Variants in FRZB observed in about 807,000 individuals in gnomAD.
The protein encoded by FRZB is secreted frizzled-related protein 3.
In FRZB, 34 loss-of-function variants were observed where a neutral mutation model predicts 32.5. The observed-to-expected ratio is 1.05, with a 90% CI of 0.80 to 1.39. The LOEUF (loss-of-function observed/expected upper bound fraction) is 1.39. FRZB is among the 40% of genes most tolerant of loss of function. The pLI, the probability that FRZB is intolerant of heterozygous loss-of-function variation, is 0.00. For synonymous variants in FRZB, 170 were observed against 159.2 expected (o/e 1.07, Z -0.51); for missense variants, 423 against 424.8 (o/e 1.00, Z 0.04).
chr2:182,857,358 C>T (rs941366383), intron 2 of FRZB, among the ~76,000 whole-genome samples: 3 of 152,114 alleles, frequency 2.0e-5, no homozygotes, highest in African/African-American at 7.2e-5. Context: ...TGGTGGCTCA[C>T]GTGTGTAATC....
intron 3 of FRZB, among the ~76,000 whole-genome samples, chr2:182,840,468 A>T (rs372068551): frequency 6.6e-5 from 10 of 152,116 alleles, no homozygotes; most frequent in African/African-American, 2.4e-4. Context: ...TTTTTCACTC[A>T]AGTAATTTGG....
At position 182,866,309 on chromosome 2, in the gene FRZB, G is replaced by C; in HGVS notation, c.244C>G (p.Pro82Ala). The C allele has an allele frequency of 6.2e-7, 1 of 1,614,238 alleles. No individual in the cohort carries two copies. The highest frequency in any genetic ancestry group is 8.5e-7 in the Non-Finnish European group (1 of 1,180,046). ...FEGLLGTHCS[P>A]DLLFFLCAMY... ...GCACAGAGGAAGAAGAGCAGATCGG[G>C]GCTGCAGTGGGTGCCCAGCAGACCT... Residue 82 changes from proline (P) to alanine (A), a missense_variant, in exon 1 of 6, where the codon CCC becomes GCC. By Grantham distance (27) the Pro-to-Ala change is conservative. Transcript: ENST00000295113. This position sits in a 1 kb window ranked among gnomAD's most constrained non-coding sequence, Gnocchi z 4.5.
At chr2:182,837,823 G>T in intron 5 of FRZB, 125 bp downstream of exon 5, 1 of 680,660 alleles carries the variant, frequency 1.5e-6, no homozygotes, top group Non-Finnish European at 2.5e-6. Context: ...ATAAATATAT[G>T]CATACTAAAT....
chr2:182,835,041 G>A (rs73977799), intron 5 of FRZB, 76 bp from the exon 6 acceptor site: 80,144 of 1,039,744 alleles, frequency 0.077, 3,600 homozygotes, highest in African/African-American at 0.16. Context: ...TAACAACTGG[G>A]TCAGACTGCA....
chr2:182,859,563 T>A (rs900241258), intron 1 of FRZB, among the ~76,000 whole-genome samples: 1 of 152,202 alleles, frequency 6.6e-6, no homozygotes, highest in Non-Finnish European at 1.5e-5. Flanking sequence ...TCCAATTTAG[T>A]ACTTTATATA....
chr2:182,838,282 T>C, intron 4 of FRZB, 127 bp downstream of exon 4: 2 of 810,894 alleles, frequency 2.5e-6, no homozygotes, highest in South Asian at 3.5e-5. Context: ...AACTAAAACT[T>C]ATCTGTAATC....
rs552262772 is a variant in FRZB at position 182,833,737 on chromosome 2, C to A, written c.*1112G>T. On this transcript the variant is annotated 3_prime_UTR_variant, in exon 6 of 6. Transcript: ENST00000295113. ...ATTTTTCGCTGAGCATTAAGCAGCA[C>A]AAATCCAAATGATAAAGTGCAGGCC... is the stretch of plus-strand genomic sequence containing the variant. 20 of 152,214 alleles carry A rather than the reference C, an allele frequency of 1.3e-4. No homozygotes were observed. Among genetic ancestry groups the A allele is most frequent in the African/African-American group, 4.8e-4 (20 of 41,540 alleles). The allele number at this position is 152,214 out of a possible 1,614,324, so 9.4% of individuals were successfully genotyped here.
chr2:182,848,994 G>C (rs1372814981), intron 2 of FRZB, among the ~76,000 whole-genome samples: 1 of 152,098 alleles, frequency 6.6e-6, no homozygotes, highest in East Asian at 1.9e-4. Flanking sequence ...TTGGGAGGCC[G>C]AGGCGGGTGG....
intron 2 of FRZB, among the ~76,000 whole-genome samples, chr2:182,845,104 A>G (rs967516416): frequency 8.5e-5 from 13 of 152,158 alleles, no homozygotes; most frequent in African/African-American, 3.1e-4. Flanking sequence ...CCAAAAATTC[A>G]TATCTTAGGT....
At chr2:182,850,455 C>T (rs1223950578) in intron 2 of FRZB, among the ~76,000 whole-genome samples, 1 of 152,118 alleles carries the variant, frequency 6.6e-6, no homozygotes, top group Non-Finnish European at 1.5e-5. Context: ...GTTTTTAGCT[C>T]CCATATATGA....
chr2:182,839,931 T>C (rs79576701), intron 3 of FRZB, among the ~76,000 whole-genome samples: 8,597 of 152,174 alleles, frequency 0.056, 338 homozygotes, highest in Non-Finnish European at 0.084. Flanking sequence ...TAGAAGAAAG[T>C]AATCCTTGAA....
Position 182,834,857 on chromosome 2 carries a change from G to A in FRZB, c.970C>T (p.Arg324Cys), listed in dbSNP as rs7775. 66 of 1,611,526 alleles carry A rather than the reference G, an allele frequency of 4.1e-5. No homozygotes were observed. Among genetic ancestry groups the A allele is most frequent in the Admixed American group, 2.3e-4 (14 of 59,926 alleles). The change falls in exon 6 of 6, where the codon CGC becomes TGC. Residue 324 changes from arginine (R) to cysteine (C), a missense_variant. Physicochemically the swap from Arg to Cys is radical, Grantham distance 180. Transcript: ENST00000295113. Reference protein sequence around the residue: ...SGRNSNPRQARN With the variant: ...SGRNSNPRQACN ...TTTTTGTATTTCGGGATTTAGTTGC[G>A]TGCTTGCCGGGGGTTCGAGTTCCTG...
At chr2:182,841,448 G>A in intron 3 of FRZB, among the ~76,000 whole-genome samples, 1 of 152,044 alleles carries the variant, frequency 6.6e-6, no homozygotes, top group South Asian at 2.1e-4. Context: ...GTACATAAAT[G>A]TAATAATAAA....
Position 182,866,585 on chromosome 2 carries a change from G to A in FRZB, c.-33C>T. 2 of 1,385,648 alleles carry A rather than the reference G, an allele frequency of 1.4e-6. No homozygotes were observed. The highest frequency in any genetic ancestry group is 1.9e-6 in the Non-Finnish European group (2 of 1,058,852). 85.8% of individuals were successfully genotyped at this position (1,385,648 alleles called of 1,614,324 possible). A position where few individuals can be genotyped will look rare whatever the true frequency, so the allele number is the denominator to read the frequency against. ...GCAGGATGGGGCAGGGTGCAGCCGCGCAGTGGACGCCAAAAGGCCCGCTCC... is the reference window on the plus strand; with the variant it reads ...GCAGGATGGGGCAGGGTGCAGCCGCACAGTGGACGCCAAAAGGCCCGCTCC... On this transcript the variant is annotated 5_prime_UTR_variant, in exon 1 of 6. Coordinates refer to ENST00000295113, the MANE Select transcript of FRZB (RefSeq NM_001463.4). This position sits in a 1 kb window ranked among gnomAD's most constrained non-coding sequence, Gnocchi z 4.5.
At chr2:182,856,900 T>A (rs1695776041) in intron 2 of FRZB, among the ~76,000 whole-genome samples, 1 of 151,414 alleles carries the variant, frequency 6.6e-6, no homozygotes, top group Non-Finnish European at 1.5e-5. Context: ...AATCAATAGA[T>A]CTAGTAGACA....
chr2:182,861,553 C>T (rs1336079091), intron 1 of FRZB, among the ~76,000 whole-genome samples: 1 of 152,222 alleles, frequency 6.6e-6, no homozygotes, highest in Non-Finnish European at 1.5e-5. Flanking sequence ...TTGTTCTTCA[C>T]AATCCCTAAT....
Position 182,866,513 on chromosome 2 carries a change from C to A in FRZB, c.40G>T (p.Ala14Ser), listed in dbSNP as rs1695895357. The part of the protein sequence containing the change: ...GSPGGMLLLR[A>S]GLLALAALCL... ...AGAGCAGCCAGGGCAAGCAGCCCGGCCCGCAGCAGCAGCATCCCTCCCGGG... is the reference window on the plus strand; with the variant it reads ...AGAGCAGCCAGGGCAAGCAGCCCGGACCGCAGCAGCAGCATCCCTCCCGGG... Residue 14 changes from alanine (A) to serine (S), a missense_variant, in exon 1 of 6, where the codon GCC becomes TCC. Physicochemically the swap from Ala to Ser is moderately conservative, Grantham distance 99. Coordinates refer to ENST00000295113, the MANE Select transcript of FRZB (RefSeq NM_001463.4). The surrounding 1 kb of genome is among the most constrained non-coding windows in gnomAD (Gnocchi z 4.5). The A allele has an allele frequency of 1.3e-6, 2 of 1,497,974 alleles. No individual in the cohort carries two copies. Among genetic ancestry groups the A allele is most frequent in the Non-Finnish European group, 1.8e-6 (2 of 1,124,556 alleles). The allele number at this position is 1,497,974 out of a possible 1,614,324, so 92.8% of individuals were successfully genotyped here.
rs1348890128 is a variant in FRZB at position 182,833,308 on chromosome 2, C to CCCCACA, written c.*1540_*1541insTGTGGG. 2.0e-5 allele frequency: 3 copies of CCCCACA among 152,144 alleles called. No individual in the cohort carries two copies. Among genetic ancestry groups the CCCCACA allele is most frequent in the Non-Finnish European group, 4.4e-5 (3 of 68,014 alleles). 9.4% of individuals were successfully genotyped at this position (152,144 alleles called of 1,614,324 possible). ...TCATAAGCATTTTATTTTCAGCACG[C>CCCCACA]CACAGCTTAGAAATTTGGTTCTACT... On this transcript the variant is annotated 3_prime_UTR_variant, in exon 6 of 6. Transcript: ENST00000295113.
intron 3 of FRZB, among the ~76,000 whole-genome samples, chr2:182,839,344 T>A (rs1695561961): frequency 6.6e-6 from 1 of 152,098 alleles, no homozygotes; most frequent in African/African-American, 2.4e-5. Flanking sequence ...TATTCTCCTC[T>A]AAGTGGGCTA....
Sources: allele counts gnomAD v4.1 joint callset (sites outside exome capture counted in the v4.1 genomes callset), GRCh38; gene constraint gnomAD v4.1.1; non-coding constraint Gnocchi (gnomAD v3.1); transcripts MANE v1.5; gene names NCBI Gene and HGNC (gene_info 2026-07-23, HGNC 2026-07-21).